The following NUP133 variants were observed in gnomAD, a reference collection of about 807,000 sequenced individuals.
NUP133 encodes nucleoporin 133.
Under a neutral mutation model 146.2 loss-of-function variants are expected in NUP133, and 66 were observed. The ratio of observed to expected loss-of-function variants is 0.45; its 90% CI spans 0.37 to 0.55. NUP133 has a LOEUF of 0.55. NUP133 is among the 20% of genes least tolerant of loss of function. The pLI, the probability that NUP133 is intolerant of heterozygous loss-of-function variation, is 0.00. For missense variants in NUP133, 1,277 were observed against 1,374.8 expected, an observed-to-expected ratio of 0.93 and a Z score of 1.12; for synonymous variants, 521 against 498.8, an observed-to-expected ratio of 1.04 and a Z score of -0.59.
chr1:229,447,935 T>C lies in NUP133; in HGVS notation c.3245+1191A>G, dbSNP rs1294810104. On this transcript the variant is annotated intron_variant, in intron 24 of 25. Coordinates refer to ENST00000261396, the MANE Select transcript of NUP133 (RefSeq NM_018230.3). ...AAGACACAGGTCACAGTGACCCCACTGATAAGACAGGATGTGGTAAAGAAG... is the reference window on the plus strand; with the variant it reads ...AAGACACAGGTCACAGTGACCCCACCGATAAGACAGGATGTGGTAAAGAAG... Among the ~76,000 whole-genome samples, 5 of 152,224 alleles carry C rather than the reference T, an allele frequency of 3.3e-5. No homozygotes were observed. The South Asian group carries it at 6.2e-4, about 19-fold the overall frequency.
chr1:229,441,162 CTG>C lies in NUP133; in HGVS notation c.*740_*741del, dbSNP rs773890091. The C allele has an allele frequency of 9.2e-6, 3 of 324,690 alleles. No homozygotes were observed. Among genetic ancestry groups the C allele is most frequent in the Non-Finnish European group, 1.8e-5 (3 of 164,722 alleles). 20.1% of individuals were successfully genotyped at this position (324,690 alleles called of 1,614,324 possible). ...TCATGCTTTTGACTAGCTAGGCAGACTGTGGTAAAGATTCATGAGTCATTCTG... is the reference window on the plus strand; with the variant it reads ...TCATGCTTTTGACTAGCTAGGCAGACTGGTAAAGATTCATGAGTCATTCTG... On this transcript the variant is annotated 3_prime_UTR_variant, in exon 26 of 26. Coordinates refer to ENST00000261396, the MANE Select transcript of NUP133 (RefSeq NM_018230.3).
chr1:229,482,201 C>T (rs564759981), intron 12 of NUP133, among the ~76,000 whole-genome samples: 1 of 152,068 alleles, frequency 6.6e-6, no homozygotes, highest in Non-Finnish European at 1.5e-5. Context: ...CTCAGTAGAT[C>T]ACGAGGTACA....
At chr1:229,506,843 AT>A in intron 1 of NUP133, among the ~76,000 whole-genome samples, 1 of 145,352 alleles carries the variant, frequency 6.9e-6, no homozygotes, top group Non-Finnish European at 1.5e-5. Flanking sequence ...AAAAAAAACT[AT>A]CAGATCTGTA....
Position 229,464,852 on chromosome 1 carries a change from G to A in NUP133, c.2323C>T (p.Arg775Ter). The A allele has an allele frequency of 3.1e-6, 5 of 1,614,098 alleles. No homozygotes were observed. The highest frequency in any genetic ancestry group is 1.1e-5 in the South Asian group (1 of 91,082). Reference sequence around the variant, plus strand: ...TCATGCTGGCGTATTATTACCGTTCGGATGCCACCAGGACCACTTGTTGCT... The same window carrying A: ...TCATGCTGGCGTATTATTACCGTTCAGATGCCACCAGGACCACTTGTTGCT... ...WTATSGPGGI[R>*]TVIIRQHEIV... The change falls in exon 18 of 26, where the codon CGA becomes TGA. Residue 775 changes from arginine to a stop codon, truncating the protein, a stop_gained. Transcript: ENST00000261396. LOFTEE classifies it high-confidence loss of function.
At position 229,484,154 on chromosome 1, in the gene NUP133, T is replaced by C. The variant is rs1471877587; in HGVS notation, c.1501-9A>G. 4.4e-6 allele frequency: 7 copies of C among 1,590,770 alleles called. No homozygotes were observed. Among genetic ancestry groups the C allele is most frequent in the Non-Finnish European group, 6.0e-6 (7 of 1,160,326 alleles). On this transcript the variant is annotated splice_polypyrimidine_tract_variant and intron_variant, in intron 11 of 25. Transcript: ENST00000261396. ...GTCTCAAAAATCATACTCTGCAAAA[T>C]AACAAAGTATAGTTTAGAGGTAAAG...
chr1:229,480,012 G>A (rs184964710), intron 12 of NUP133, among the ~76,000 whole-genome samples: 5 of 152,344 alleles, frequency 3.3e-5, no homozygotes, highest in East Asian at 3.9e-4. Context: ...CAGAGGAAAG[G>A]GAGAACTGAA....
rs143038589 is a variant in NUP133 at position 229,463,663 on chromosome 1, C to G, written c.2565G>C (p.Gln855His). 6 of 1,611,994 alleles carry G rather than the reference C, an allele frequency of 3.7e-6. No homozygotes were observed. Among genetic ancestry groups the G allele is most frequent in the Non-Finnish European group, 5.1e-6 (6 of 1,179,556 alleles). ...CTGCTAGAGAAGCAGCCCACAGGTACTGGCCTAGTGAAACTGTGGGAATGA... is the reference window on the plus strand; with the variant it reads ...CTGCTAGAGAAGCAGCCCACAGGTAGTGGCCTAGTGAAACTGTGGGAATGA... ...DLLSPLLSLG[Q>H]YLWAASLAEK... The change falls in exon 19 of 26, where the codon CAG becomes CAC. Residue 855 changes from glutamine (Q) to histidine (H), a missense_variant. By Grantham distance (24) the Gln-to-His change is conservative. Coordinates refer to ENST00000261396, the MANE Select transcript of NUP133 (RefSeq NM_018230.3).
At chr1:229,477,348 G>A (rs1162366598) in intron 13 of NUP133, among the ~76,000 whole-genome samples, 3 of 151,176 alleles carry the variant, frequency 2.0e-5, no homozygotes, top group Non-Finnish European at 2.9e-5. Context: ...GCTGAGGCAG[G>A]AGAATGGCGT....
chr1:229,476,989 C>T (rs944732846), intron 13 of NUP133, among the ~76,000 whole-genome samples: 10 of 150,740 alleles, frequency 6.6e-5, no homozygotes, highest in Non-Finnish European at 1.5e-4. Context: ...AACTGTCTAC[C>T]TATGCAACCA....
chr1:229,488,938 G>GT (rs1661434263), intron 9 of NUP133, among the ~76,000 whole-genome samples: 1 of 152,160 alleles, frequency 6.6e-6, no homozygotes. Context: ...TCTTCCTCAT[G>GT]AATACCAGTT....
chr1:229,495,432 TA>T, intron 8 of NUP133, 62 bp downstream of exon 8: 1 of 1,134,948 alleles, frequency 8.8e-7, no homozygotes, highest in Non-Finnish European at 1.3e-6. Context: ...CATTTTATTA[TA>T]AACATCAACT....
At chr1:229,450,045 T>C (rs899362682) in intron 23 of NUP133, among the ~76,000 whole-genome samples, 2 of 123,238 alleles carry the variant, frequency 1.6e-5, no homozygotes, top group African/African-American at 5.4e-5. Flanking sequence ...ACCCATCTAA[T>C]TTTTTTTTTT....
rs1661750103 is a variant in NUP133 at position 229,499,748 on chromosome 1, G to T, written c.584C>A (p.Thr195Asn). ...CGAATCTACAAAAGCCTCTGTGTAG[G>T]TATCTTCACCAGCAAGGCTTGGCCA... ...RYWPSLAGED[T>N]YTEAFVDSGG... The change falls in exon 5 of 26, where the codon ACC (threonine) becomes AAC (asparagine). Residue 195 changes from threonine (T) to asparagine (N), a missense_variant. Thr to Asn is a moderately conservative substitution (Grantham distance 65, BLOSUM62 0). Transcript: ENST00000261396. 1.2e-6 allele frequency: 2 copies of T among 1,613,924 alleles called. No individual in the cohort carries two copies. Among genetic ancestry groups the T allele is most frequent in the Admixed American group, 1.7e-5 (1 of 59,994 alleles).
At position 229,452,749 on chromosome 1, in the gene NUP133, G is replaced by C; in HGVS notation, c.2981-106C>G. Reference sequence around the variant, plus strand: ...ATCTGAATTTTAAAAGAAAAAAATAGCTCCAGAGGTAAACCTATCTTTATT... The same window carrying C: ...ATCTGAATTTTAAAAGAAAAAAATACCTCCAGAGGTAAACCTATCTTTATT... On this transcript the variant is annotated intron_variant, in intron 21 of 25. Transcript: ENST00000261396. 3 of 709,958 alleles carry C rather than the reference G, an allele frequency of 4.2e-6. No individual in the cohort carries two copies. The South Asian group carries it at 5.8e-5, about 14-fold the overall frequency. The allele number at this position is 709,958 out of a possible 1,614,324, so 44.0% of individuals were successfully genotyped here.
chr1:229,453,080 G>A (rs1230875842), intron 21 of NUP133, among the ~76,000 whole-genome samples: 3 of 151,956 alleles, frequency 2.0e-5, no homozygotes, highest in South Asian at 2.1e-4. Context: ...CTAAGCTCCC[G>A]TGCTGTCAAA....
At chr1:229,483,951 G>T in intron 12 of NUP133, 103 bp downstream of exon 12, 1 of 722,342 alleles carries the variant, frequency 1.4e-6, no homozygotes, top group Non-Finnish European at 2.3e-6. Flanking sequence ...CCTCTTGATA[G>T]CATCATTCCT....
Position 229,441,535 on chromosome 1 carries a change from A to G in NUP133, c.*369T>C. ...AAGTATCTGGAGTCACAGCAATTTTAGAGACAAGCTAGTGCAATCTAGTAA... is the reference window on the plus strand; with the variant it reads ...AAGTATCTGGAGTCACAGCAATTTTGGAGACAAGCTAGTGCAATCTAGTAA... On this transcript the variant is annotated 3_prime_UTR_variant, in exon 26 of 26. Coordinates refer to ENST00000261396, the MANE Select transcript of NUP133 (RefSeq NM_018230.3). 2.0e-6 allele frequency: 1 copy of G among 496,834 alleles called. No homozygotes were observed. Among genetic ancestry groups the G allele is most frequent in the Non-Finnish European group, 4.1e-6 (1 of 241,862 alleles). 30.8% of individuals were successfully genotyped at this position (496,834 alleles called of 1,614,324 possible).
rs540734064 is a variant in NUP133, at chr1:229,490,686, G to A, written c.1047-584C>T. Among the ~76,000 whole-genome samples, 97 of 152,190 alleles carry A rather than the reference G, an allele frequency of 6.4e-4. 1 individual carries two copies. Among genetic ancestry groups the A allele is most frequent in the Non-Finnish European group, 8.5e-4 (58 of 68,042 alleles). On this transcript the variant is annotated intron_variant, in intron 8 of 25. Transcript: ENST00000261396. ...GTCAAAATTTGTAGAATTAGGGCCA[G>A]GTGCGGTGGCTCACGTCTGTAATCC...
chr1:229,465,905 A>AAG (rs1553257785), intron 16 of NUP133, among the ~76,000 whole-genome samples: 2 of 151,450 alleles, frequency 1.3e-5, no homozygotes, highest in Admixed American at 1.3e-4. Flanking sequence ...AAAAAAAAAA[A>AAG]AAAAGAAAAG....
Sources: allele counts gnomAD v4.1 joint callset (sites outside exome capture counted in the v4.1 genomes callset), GRCh38; gene constraint gnomAD v4.1.1; transcripts MANE v1.5; gene names NCBI Gene and HGNC (gene_info 2026-07-23, HGNC 2026-07-21).